Variants in TM4SF4 observed in about 807,000 individuals in gnomAD.
The protein encoded by TM4SF4 is transmembrane 4 L six family member 4.
Under a neutral mutation model 24.1 loss-of-function variants are expected in TM4SF4, and 24 were observed. The ratio of observed to expected loss-of-function variants is 1.00; its 90% CI spans 0.72 to 1.40. The LOEUF (loss-of-function observed/expected upper bound fraction) is 1.40. Ranked by LOEUF, TM4SF4 falls within the 40% of genes most tolerant of loss-of-function variation. The pLI, the probability that TM4SF4 is intolerant of heterozygous loss-of-function variation, is 0.00. For synonymous variants in TM4SF4, 113 were observed against 97.0 expected, an observed-to-expected ratio of 1.17 and a Z score of -0.97; for missense variants, 254 against 254.2, an observed-to-expected ratio of 1.00 and a Z score of 0.01.
intron 2 of TM4SF4, among the ~76,000 whole-genome samples, chr3:149,479,997 T>C (rs937983342): frequency 6.6e-6 from 1 of 152,174 alleles, no homozygotes; most frequent in African/African-American, 2.4e-5. Flanking sequence ...ACCTGATTCA[T>C]AGTTTCTTGG....
intron 3 of TM4SF4, among the ~76,000 whole-genome samples, chr3:149,489,548 C>T (rs1035846549): frequency 6.6e-6 from 1 of 152,212 alleles, no homozygotes; most frequent in Non-Finnish European, 1.5e-5. Flanking sequence ...CCCTCACACA[C>T]GCACGCCCTA....
intron 4 of TM4SF4, 139 bp from the exon 5 acceptor site, chr3:149,502,537 C>A: frequency 1.5e-6 from 1 of 660,920 alleles, no homozygotes; most frequent in Non-Finnish European, 2.8e-6. Context: ...GAAACAAAGC[C>A]AGAAAAGTAT....
At position 149,502,770 on chromosome 3, in the gene TM4SF4, A is replaced by G; in HGVS notation, c.*77A>G. On this transcript the variant is annotated 3_prime_UTR_variant, in exon 5 of 5. Transcript: ENST00000305354. ...TTCATAAAACTTCTTCTCTTCTTGG[A>G]ATTATTAATTCCTATCTGCTTCCTA... is the stretch of plus-strand genomic sequence containing the variant. The G allele has an allele frequency of 9.3e-7, 1 of 1,073,594 alleles. No individual in the cohort carries two copies. The highest frequency in any genetic ancestry group is 1.4e-6 in the Non-Finnish European group (1 of 698,682). 66.5% of individuals were successfully genotyped at this position (1,073,594 alleles called of 1,614,324 possible).
Position 149,474,784 on chromosome 3 carries a change from T to A in TM4SF4, c.-94T>A. 1 of 1,362,908 alleles carries A rather than the reference T, an allele frequency of 7.3e-7. No individual in the cohort carries two copies. 84.4% of individuals were successfully genotyped at this position (1,362,908 alleles called of 1,614,324 possible). A position where few individuals can be genotyped will look rare whatever the true frequency, so the allele number is the denominator to read the frequency against. ...AAATACTGATTGAATTGGAGACAAT[T>A]ACAAGGACTCTCTGGCCAAAAACCC... On this transcript the variant is annotated 5_prime_UTR_variant, in exon 1 of 5. Transcript: ENST00000305354.
At position 149,475,026 on chromosome 3, in the gene TM4SF4, G is replaced by T; in HGVS notation, c.149G>T (p.Gly50Val). ...DHLSQEIWFFGGILGSGVLMI... is the reference protein window; with the variant it reads ...DHLSQEIWFFVGILGSGVLMI... ...CTTTCCCAAGAGATCTGGTTTTTCG[G>T]AGGAATATTAGGAAGCGGTGTCTTG... Residue 50 changes from glycine to valine, a missense_variant, in exon 1 of 5, where the codon GGA (glycine) becomes GTA (valine). Transcript: ENST00000305354. 1 of 1,613,396 alleles carries T rather than the reference G, an allele frequency of 6.2e-7. No individual in the cohort carries two copies. The highest frequency in any genetic ancestry group is 8.5e-7 in the Non-Finnish European group (1 of 1,179,806).
At chr3:149,495,210 T>A (rs1437540363) in intron 3 of TM4SF4, 1 of 195,928 alleles carries the variant, frequency 5.1e-6, no homozygotes, top group Non-Finnish European at 1.1e-5. Flanking sequence ...CAGCAGCAGC[T>A]GTACCAATTT....
chr3:149,490,041 G>T (rs896105203), intron 3 of TM4SF4, among the ~76,000 whole-genome samples: 3 of 152,008 alleles, frequency 2.0e-5, no homozygotes, highest in African/African-American at 7.2e-5. Flanking sequence ...GTTTCCAGAT[G>T]ATTTATAGGC....
Position 149,498,922 on chromosome 3 carries a change from G to A in TM4SF4, c.591+11G>A. 6.2e-7 allele frequency: 1 copy of A among 1,613,374 alleles called. No individual in the cohort carries two copies. The highest frequency in any genetic ancestry group is 8.5e-7 in the Non-Finnish European group (1 of 1,179,526). ...TGTGGCTGCTGTGGGGTAAGTTCAG[G>A]CTTTTGCTGTTTCTTCTCAGCATGA... is the stretch of plus-strand genomic sequence containing the variant. On this transcript the variant is annotated intron_variant, in intron 4 of 4. Coordinates refer to ENST00000305354, the MANE Select transcript of TM4SF4 (RefSeq NM_004617.4).
intron 3 of TM4SF4, among the ~76,000 whole-genome samples, chr3:149,490,635 G>T (rs1287397573): frequency 6.6e-6 from 1 of 152,098 alleles, no homozygotes; most frequent in Admixed American, 6.6e-5. Flanking sequence ...TTCCCTGTTG[G>T]CAAAACTCAT....
intron 2 of TM4SF4, among the ~76,000 whole-genome samples, chr3:149,479,622 T>C (rs984440401): frequency 6.6e-6 from 1 of 152,190 alleles, no homozygotes; most frequent in Admixed American, 6.5e-5. Flanking sequence ...TTCCAAAGGC[T>C]CACGCATTCC....
rs1023632241 is a variant in TM4SF4, at chr3:149,499,049, G to C, written c.591+138G>C. On this transcript the variant is annotated intron_variant, in intron 4 of 4. Coordinates refer to ENST00000305354, the MANE Select transcript of TM4SF4 (RefSeq NM_004617.4). ...TGGCCACCTGCAGAAAACCAGCCCA[G>C]GTTGGGAAGCCCAGTCAGCCCTGTC... 9 of 836,590 alleles carry C rather than the reference G, an allele frequency of 1.1e-5. No individual in the cohort carries two copies. In the African/African-American group the frequency reaches 1.5e-4, roughly 14 times the overall value. 51.8% of individuals were successfully genotyped at this position (836,590 alleles called of 1,614,324 possible).
chr3:149,490,267 A>T (rs1734187785), intron 3 of TM4SF4, among the ~76,000 whole-genome samples: 1 of 152,188 alleles, frequency 6.6e-6, no homozygotes, highest in South Asian at 2.1e-4. Flanking sequence ...CTGAGACAAG[A>T]GCTCACATTC....
intron 2 of TM4SF4, among the ~76,000 whole-genome samples, chr3:149,476,591 C>T (rs1252089873): frequency 6.6e-6 from 1 of 152,188 alleles, no homozygotes; most frequent in Non-Finnish European, 1.5e-5. Context: ...CCTCCCTTTG[C>T]TCATGTATAA....
chr3:149,484,043 A>G (rs1458566974), intron 2 of TM4SF4, among the ~76,000 whole-genome samples: 1 of 152,132 alleles, frequency 6.6e-6, no homozygotes, highest in African/African-American at 2.4e-5. Flanking sequence ...AGCCTCCCAC[A>G]GTGCTGGGAT....
At chr3:149,486,407 C>T (rs1366905454) in intron 2 of TM4SF4, among the ~76,000 whole-genome samples, 1 of 152,304 alleles carries the variant, frequency 6.6e-6, no homozygotes, top group Non-Finnish European at 1.5e-5. Flanking sequence ...AAACCCTGTG[C>T]TTCGTCATCA....
In TM4SF4 at chr3:149,503,246, G is replaced by A. The variant is rs1372909217; in HGVS notation, c.*553G>A. 6.6e-6 allele frequency: 1 copy of A among 152,166 alleles called. No individual in the cohort carries two copies. Among genetic ancestry groups the A allele is most frequent in the African/African-American group, 2.4e-5 (1 of 41,410 alleles). The allele number at this position is 152,166 out of a possible 1,614,324, so 9.4% of individuals were successfully genotyped here. A position where few individuals can be genotyped will look rare whatever the true frequency, so the allele number is the denominator to read the frequency against. The stretch of plus-strand genomic sequence containing the variant: ...GTCATCATGGCTAGGGTTCTTTTAT[G>A]TATGTTAAATTAAAACCTGAATTCA... On this transcript the variant is annotated 3_prime_UTR_variant, in exon 5 of 5. Coordinates refer to ENST00000305354, the MANE Select transcript of TM4SF4 (RefSeq NM_004617.4).
intron 1 of TM4SF4, among the ~76,000 whole-genome samples, chr3:149,475,589 TA>T (rs939608008): frequency 5.3e-5 from 8 of 152,234 alleles, no homozygotes; most frequent in African/African-American, 1.9e-4. Flanking sequence ...ACACACCATC[TA>T]AATGGAAACT....
chr3:149,498,183 T>A (rs1234506286), intron 3 of TM4SF4, among the ~76,000 whole-genome samples: 2 of 152,244 alleles, frequency 1.3e-5, no homozygotes, highest in Non-Finnish European at 2.9e-5. Flanking sequence ...TCCCTTTAGC[T>A]ATATGACACA....
chr3:149,474,985 A>C lies in TM4SF4; in HGVS notation c.108A>C (p.Ile36=), dbSNP rs577004929. Residue 36 remains isoleucine, a synonymous_variant, in exon 1 of 5, where the codon ATA becomes ATC. Coordinates refer to ENST00000305354, the MANE Select transcript of TM4SF4 (RefSeq NM_004617.4). ...ILLFFPGGKV[I]DDNDHLSQEI... The stretch of plus-strand genomic sequence containing the variant: ...TATTTTTTCCTGGAGGAAAAGTGAT[A>C]GATGACAACGACCACCTTTCCCAAG... 2.4e-4 allele frequency: 391 copies of C among 1,613,942 alleles called. 2 individuals are homozygous for C. In the South Asian group the frequency reaches 4.1e-3, roughly 17 times the overall value.
Sources: allele counts gnomAD v4.1 joint callset (sites outside exome capture counted in the v4.1 genomes callset), GRCh38; gene constraint gnomAD v4.1.1; transcripts MANE v1.5; gene names NCBI Gene and HGNC (gene_info 2026-07-23, HGNC 2026-07-21).